The following MORC2 variants were observed in gnomAD, a reference collection of about 807,000 sequenced individuals.
MORC2 encodes the protein MORC family CW-type zinc finger 2, also known as ATPase MORC2.
A neutral mutation model predicts 136.0 loss-of-function variants in MORC2; 30 were observed. The ratio of observed to expected loss-of-function variants is 0.22; its 90% CI spans 0.17 to 0.30. The LOEUF (loss-of-function observed/expected upper bound fraction) is 0.30, where lower values mean the gene tolerates loss of function less well. Among genes scored for constraint, MORC2 ranks in the 10% least tolerant of loss-of-function variants. The pLI is 1.00. For missense variants in MORC2, 922 were observed against 1,333.1 expected (o/e 0.69, Z 4.80); for synonymous variants, 439 against 487.0 (o/e 0.90, Z 1.30).
rs145487572 is a variant in MORC2, at chr22:30,965,885, A to G, written c.68+1937T>C. Among the ~76,000 whole-genome samples, 45 of 152,368 alleles carry G rather than the reference A, an allele frequency of 3.0e-4. 1 individual carries two copies. The highest frequency in any genetic ancestry group is 1.1e-3 in the African/African-American group (44 of 41,588). Reference sequence around the variant, plus strand: ...AAGCAAATAGGCTCTTGAAGGTAAAACTGACTACAGTAGGCACTGCCTAAT... The same window carrying G: ...AAGCAAATAGGCTCTTGAAGGTAAAGCTGACTACAGTAGGCACTGCCTAAT... On this transcript the variant is annotated intron_variant, in intron 1 of 25. Coordinates refer to ENST00000397641, the MANE Select transcript of MORC2 (RefSeq NM_001303256.3).
At chr22:30,943,675 A>C (rs182494040) in intron 6 of MORC2, among the ~76,000 whole-genome samples, 7 of 152,348 alleles carry the variant, frequency 4.6e-5, no homozygotes, top group Non-Finnish European at 1.5e-5. Context: ...GGGACTCTGT[A>C]ATCTTAACAA....
At chr22:30,935,468 G>A (rs765868625) in intron 17 of MORC2, 146 bp from the exon 18 acceptor site, 64 of 733,984 alleles carry the variant, frequency 8.7e-5, no homozygotes, top group Non-Finnish European at 1.3e-4. Flanking sequence ...TCTCATTGGG[G>A]AGACACAAAA....
Position 30,939,679 on chromosome 22 carries a change from C to T in MORC2, c.1015G>A (p.Ala339Thr), listed in dbSNP as rs758093788. ...TCGGCTTCTCTGCGCAGAGTGATGG[C>T]TCTGTTCTGGACCTGTCGCAACATC... ...RVMLRQVQNR[A>T]ITLRREADVK... Residue 339 changes from alanine to threonine, a missense_variant, in exon 12 of 26, where the codon GCC (alanine) becomes ACC (threonine). By Grantham distance (58) the Ala-to-Thr change is moderately conservative. Around this residue, in one of 9 missense-constraint regions of MORC2, gnomAD observed 261 missense variants for 354.3 expected, o/e 0.74. Coordinates refer to ENST00000397641, the MANE Select transcript of MORC2 (RefSeq NM_001303256.3). The T allele has an allele frequency of 1.2e-6, 2 of 1,614,128 alleles. No individual in the cohort carries two copies. The highest frequency in any genetic ancestry group is 1.7e-6 in the Non-Finnish European group (2 of 1,180,044).
chr22:30,964,143 G>A (rs1247430485), intron 1 of MORC2, among the ~76,000 whole-genome samples: 2 of 152,110 alleles, frequency 1.3e-5, no homozygotes, highest in African/African-American at 4.8e-5. Flanking sequence ...GGATGATGAG[G>A]TCAAGAGATC....
At chr22:30,947,378 G>A (rs1323853602) in intron 5 of MORC2, among the ~76,000 whole-genome samples, 1 of 152,230 alleles carries the variant, frequency 6.6e-6, no homozygotes, top group Non-Finnish European at 1.5e-5. Flanking sequence ...ACCAGCAGGG[G>A]GACCGCCCTC....
intron 3 of MORC2, among the ~76,000 whole-genome samples, chr22:30,955,697 T>C (rs2040956358): frequency 6.6e-6 from 1 of 152,150 alleles, no homozygotes; most frequent in African/African-American, 2.4e-5. Context: ...CACATCACAC[T>C]AGTCGAATTG....
intron 1 of MORC2, among the ~76,000 whole-genome samples, chr22:30,959,456 A>C (rs2041012154): frequency 2.0e-5 from 3 of 152,282 alleles, no homozygotes; most frequent in Admixed American, 2.0e-4. Context: ...ATTTTTGCTT[A>C]TAAATTACAC....
chr22:30,933,924 T>C lies in MORC2; in HGVS notation c.2325+136A>G, dbSNP rs908748129. ...AAACAGAGTTGGTGCAGACTGCTGG[T>C]GGGGGGGGTAGACTGCTGGTGGGTT... On this transcript the variant is annotated intron_variant, in intron 20 of 25. Transcript: ENST00000397641. The C allele has an allele frequency of 9.2e-6, 9 of 979,284 alleles. No homozygotes were observed. In the Middle Eastern group the frequency reaches 8.8e-4, roughly 96 times the overall value. The allele number at this position is 979,284 out of a possible 1,614,324, so 60.7% of individuals were successfully genotyped here.
intron 16 of MORC2, 42 bp from the exon 17 acceptor site, chr22:30,936,685 G>A (rs372466931): frequency 2.2e-5 from 36 of 1,600,088 alleles, no homozygotes; most frequent in Middle Eastern, 1.7e-4. Flanking sequence ...CAAACAGAGC[G>A]CCAAGCTCGG....
chr22:30,953,678 G>A (rs1461991070), intron 3 of MORC2, among the ~76,000 whole-genome samples: 4 of 152,130 alleles, frequency 2.6e-5, no homozygotes, highest in Non-Finnish European at 5.9e-5. Context: ...TCACGAAAAG[G>A]ATCTTTCTTC....
In MORC2 at chr22:30,966,302, C is replaced by G. The variant is rs144327672; in HGVS notation, c.68+1520G>C. Among the ~76,000 whole-genome samples the G allele has an allele frequency of 4.7e-4, 71 of 152,244 alleles. 1 individual carries two copies. The East Asian group carries it at 0.013, about 27-fold the overall frequency. ...ATAACCATTTATCAAACACAGTCAT[C>G]CATGAACATTTAAGTGGCCTTCAAC... is the stretch of plus-strand genomic sequence containing the variant. On this transcript the variant is annotated intron_variant, in intron 1 of 25. Coordinates refer to ENST00000397641, the MANE Select transcript of MORC2 (RefSeq NM_001303256.3).
chr22:30,960,612 C>CT (rs2041029602), intron 1 of MORC2, among the ~76,000 whole-genome samples: 1 of 151,688 alleles, frequency 6.6e-6, no homozygotes, highest in African/African-American at 2.4e-5. Context: ...CTTCAGCCTC[C>CT]TGAGTAGCTG....
rs2041167731 is a variant in MORC2 at position 30,968,724 on chromosome 22, G to A, written c.-835C>T. ...TCCCGGCTTCCAAGGACCGGATCGA[G>A]GGCAGTGGCGAGCGCACCACCTGAC... On this transcript the variant is annotated 5_prime_UTR_variant, in exon 1 of 26. Transcript: ENST00000397641. 6.6e-6 allele frequency among the ~76,000 whole-genome samples: 1 copy of A among 152,096 alleles called. No individual in the cohort carries two copies. Among genetic ancestry groups the A allele is most frequent in the Non-Finnish European group, 1.5e-5 (1 of 68,010 alleles).
At chr22:30,951,297 G>A (rs2040882741) in intron 3 of MORC2, among the ~76,000 whole-genome samples, 2 of 152,240 alleles carry the variant, frequency 1.3e-5, no homozygotes, top group Non-Finnish European at 2.9e-5. Flanking sequence ...GTGGTTAACT[G>A]AAAGTGGTCT....
chr22:30,940,712 C>A, intron 10 of MORC2, 46 bp downstream of exon 10: 1 of 1,553,690 alleles, frequency 6.4e-7, no homozygotes, highest in Non-Finnish European at 8.9e-7. Context: ...AAGCAGCATA[C>A]CCCAGATGCA....
At chr22:30,938,853 G>A (rs1336878600) in intron 12 of MORC2, among the ~76,000 whole-genome samples, 1 of 152,230 alleles carries the variant, frequency 6.6e-6, no homozygotes, top group Non-Finnish European at 1.5e-5. Flanking sequence ...ACAGGCGTGA[G>A]CCACCGTGCC....
chr22:30,950,334 A>T (rs188753685), intron 4 of MORC2, 43 bp downstream of exon 4: 2 of 745,656 alleles, frequency 2.7e-6, no homozygotes, highest in East Asian at 2.7e-5. Flanking sequence ...AAATGGTTAC[A>T]TCGCACCCCC....
Position 30,937,177 on chromosome 22 carries a change from C to A in MORC2, c.1499-140G>T. The A allele has an allele frequency of 3.0e-6, 2 of 664,046 alleles. 1 individual carries two copies. Among genetic ancestry groups the A allele is most frequent in the Non-Finnish European group, 5.4e-6 (2 of 373,426 alleles). The allele number at this position is 664,046 out of a possible 1,614,324, so 41.1% of individuals were successfully genotyped here. On this transcript the variant is annotated intron_variant, in intron 15 of 25. Transcript: ENST00000397641. This position sits in a 1 kb window ranked among gnomAD's most constrained non-coding sequence, Gnocchi z 4.7. The stretch of plus-strand genomic sequence containing the variant: ...CACTCGGGCTCCAACTCTGCCTATC[C>A]TTAGAGAATACTAATTCTTCTCAGG...
chr22:30,966,311 T>C (rs2041127912), intron 1 of MORC2, among the ~76,000 whole-genome samples: 2 of 152,284 alleles, frequency 1.3e-5, no homozygotes, highest in Non-Finnish European at 1.5e-5. Flanking sequence ...TCCATGAACA[T>C]TTAAGTGGCC....
Sources: gnomAD v4.1 joint callset for allele counts (sites outside exome capture counted in the v4.1 genomes callset) on GRCh38, gnomAD v4.1.1 for gene constraint, gnomAD v4.1.1 regional missense constraint, Gnocchi (gnomAD v3.1) non-coding constraint, MANE v1.5 for transcripts, NCBI Gene and HGNC (gene_info 2026-07-23, HGNC 2026-07-21) for gene names.